Variants in ERICH6B observed in about 807,000 individuals in gnomAD.
ERICH6B encodes glutamate-rich protein 6B.
ERICH6B carries 69 observed loss-of-function variants against 80.0 expected under a neutral mutation model. The ratio of observed to expected loss-of-function variants is 0.86; its 90% CI spans 0.71 to 1.05. The LOEUF (loss-of-function observed/expected upper bound fraction) is 1.05. ERICH6B is among the 50% of genes least tolerant of loss of function. The probability of loss-of-function intolerance (pLI) is 0.00; values close to 1 mark genes in which losing one functional copy is unlikely to be tolerated. For missense variants in ERICH6B, 754 were observed against 796.1 expected, an observed-to-expected ratio of 0.95 and a Z score of 0.64; for synonymous variants, 283 against 291.9, an observed-to-expected ratio of 0.97 and a Z score of 0.31.
At position 45,596,715 on chromosome 13, in the gene ERICH6B, A is replaced by G. The variant is rs1241501621; in HGVS notation, c.291T>C (p.Tyr97=). ...GKEEHLEEEE[Y]LEKAGYLEEE... is the part of the protein sequence containing the mutation. ...CCTCCAGATACCCTGCCTTCTCCAG[A>G]TACTCTTCCTCCTCCAGATGCTCTT... The change falls in exon 3 of 15, where the codon TAT becomes TAC. Residue 97 remains tyrosine (Y), a synonymous_variant. Transcript: ENST00000298738. 2 of 1,551,500 alleles carry G rather than the reference A, an allele frequency of 1.3e-6. No homozygotes were observed. The highest frequency in any genetic ancestry group is 2.0e-5 in the Admixed American group (1 of 50,978).
chr13:45,603,981 C>T (rs1949842602), intron 2 of ERICH6B, among the ~76,000 whole-genome samples: 1 of 152,246 alleles, frequency 6.6e-6, no homozygotes, highest in African/African-American at 2.4e-5. Context: ...CTCCCTTTCC[C>T]ATTCCTTCCA....
At position 45,561,511 on chromosome 13, in the gene ERICH6B, T is replaced by C; in HGVS notation, c.1265A>G (p.Glu422Gly). ...TAAATGAAATGTGAAACTGGTCATC[T>C]CTGTTAACTTTTGAGCTGCCATTCA... ...KRRREAQKLTEMTSFTFHLMS... is the reference protein window; with the variant it reads ...KRRREAQKLTGMTSFTFHLMS... The change falls in exon 11 of 15, where the codon GAG (glutamate) becomes GGG (glycine). Residue 422 changes from glutamate (E) to glycine (G), a missense_variant. By Grantham distance (98) the Glu-to-Gly change is moderately conservative (BLOSUM62 -2). Coordinates refer to ENST00000298738, the MANE Select transcript of ERICH6B (RefSeq NM_182542.3). 6.4e-7 allele frequency: 1 copy of C among 1,551,676 alleles called. No homozygotes were observed. Among genetic ancestry groups the C allele is most frequent in the Non-Finnish European group, 8.7e-7 (1 of 1,146,984 alleles).
At chr13:45,599,573 CT>C (rs535641709) in intron 2 of ERICH6B, among the ~76,000 whole-genome samples, 326 of 152,236 alleles carry the variant, frequency 2.1e-3, no homozygotes, top group African/African-American at 7.3e-3. Context: ...CTTCAGGTTA[CT>C]TTTTTTGGTA....
chr13:45,596,506 T>C lies in ERICH6B; in HGVS notation c.500A>G (p.Glu167Gly). Residue 167 changes from glutamate to glycine, a missense_variant, in exon 3 of 15, where the codon GAG (glutamate) becomes GGG (glycine). By Grantham distance (98) the Glu-to-Gly change is moderately conservative. Coordinates refer to ENST00000298738, the MANE Select transcript of ERICH6B (RefSeq NM_182542.3). ...YLGKKAYLEE[E>G]EYLGKKSYLE... The stretch of plus-strand genomic sequence containing the variant: ...ATATGATTTCTTCCCCAGATACTCC[T>C]CCTCCTCCAGATACGCTTTCTTCCC... The C allele has an allele frequency of 6.4e-7, 1 of 1,551,676 alleles. No individual in the cohort carries two copies. Among genetic ancestry groups the C allele is most frequent in the Non-Finnish European group, 8.7e-7 (1 of 1,146,618 alleles).
chr13:45,584,716 C>T (rs1028564807), intron 5 of ERICH6B, among the ~76,000 whole-genome samples: 1 of 152,184 alleles, frequency 6.6e-6, no homozygotes, highest in Non-Finnish European at 1.5e-5. Context: ...TGCCTGGCTT[C>T]GTCTTTGCTG....
chr13:45,603,257 C>A (rs961748393), intron 2 of ERICH6B, among the ~76,000 whole-genome samples: 2 of 152,218 alleles, frequency 1.3e-5, no homozygotes, highest in Non-Finnish European at 2.9e-5. Flanking sequence ...TTACCTACTC[C>A]ACCAGTTCCA....
intron 3 of ERICH6B, among the ~76,000 whole-genome samples, chr13:45,592,925 C>T (rs922767959): frequency 6.6e-6 from 1 of 152,132 alleles, no homozygotes; most frequent in Admixed American, 6.5e-5. Flanking sequence ...GGTGTTTTTG[C>T]ACATGGGGAA....
intron 2 of ERICH6B, among the ~76,000 whole-genome samples, chr13:45,606,522 TATATATATATATATATA>T (rs1949863020): frequency 2.2e-4 from 7 of 32,160 alleles, no homozygotes; most frequent in Non-Finnish European, 3.7e-4. Context: ...TATATATATA[TATATATATATATATATA>T]TATATATATT....
intron 11 of ERICH6B, among the ~76,000 whole-genome samples, chr13:45,555,001 T>C (rs571935714): frequency 1.3e-5 from 2 of 152,202 alleles, no homozygotes; most frequent in East Asian, 3.9e-4. Flanking sequence ...GAATGGTAGG[T>C]GAGAGAGGAT....
chr13:45,561,605 G>T, intron 10 of ERICH6B, 79 bp from the exon 11 acceptor site: 1 of 1,470,030 alleles, frequency 6.8e-7, no homozygotes, highest in South Asian at 1.3e-5. Context: ...TCTCTCTCAA[G>T]GTGCCAAAGG....
intron 7 of ERICH6B, 73 bp from the exon 8 acceptor site, chr13:45,575,003 A>C: frequency 9.9e-7 from 1 of 1,008,262 alleles, no homozygotes; most frequent in Non-Finnish European, 1.5e-6. Flanking sequence ...AAATTTAAAA[A>C]GAATAGAAAT....
At chr13:45,580,057 T>TA in intron 6 of ERICH6B, 83 bp from the exon 7 acceptor site, 1 of 1,153,614 alleles carries the variant, frequency 8.7e-7, no homozygotes, top group East Asian at 2.6e-5. Flanking sequence ...GGAATCAATT[T>TA]AAAAATCATC....
intron 11 of ERICH6B, among the ~76,000 whole-genome samples, chr13:45,551,846 A>T (rs536660217): frequency 1.2e-3 from 182 of 152,222 alleles, no homozygotes; most frequent in African/African-American, 4.3e-3. Context: ...CCATGGGATG[A>T]TGAAACAAGA....
chr13:45,574,637 G>A (rs745375500), intron 8 of ERICH6B, among the ~76,000 whole-genome samples: 17 of 152,168 alleles, frequency 1.1e-4, no homozygotes, highest in Non-Finnish European at 2.1e-4. Context: ...AGAGGGAGTA[G>A]GCTTTCCTTG....
intron 8 of ERICH6B, among the ~76,000 whole-genome samples, chr13:45,570,537 G>A: frequency 6.6e-6 from 1 of 152,196 alleles, no homozygotes; most frequent in East Asian, 1.9e-4. Context: ...CAAATAGGAG[G>A]GCTTTAGCTT....
At chr13:45,576,833 A>T (rs1359601436) in intron 7 of ERICH6B, among the ~76,000 whole-genome samples, 1 of 152,230 alleles carries the variant, frequency 6.6e-6, no homozygotes, top group Non-Finnish European at 1.5e-5. Flanking sequence ...ATTCGAGTCA[A>T]TGTAATAATT....
chr13:45,554,549 G>A lies in ERICH6B; in HGVS notation c.1408-4233C>T, dbSNP rs573582638. Among the ~76,000 whole-genome samples, 22 of 152,318 alleles carry A rather than the reference G, an allele frequency of 1.4e-4. No homozygotes were observed. The South Asian group carries it at 4.6e-3, about 32-fold the overall frequency. On this transcript the variant is annotated intron_variant, in intron 11 of 14. Transcript: ENST00000298738. Reference sequence around the variant, plus strand: ...TGCTTTCTGTTCGTCGAATTCACTTGTCATGTAATGAAATTTTCCTGATGA... The same window carrying A: ...TGCTTTCTGTTCGTCGAATTCACTTATCATGTAATGAAATTTTCCTGATGA...
chr13:45,586,396 T>C (rs772813448), intron 5 of ERICH6B, among the ~76,000 whole-genome samples: 23 of 152,158 alleles, frequency 1.5e-4, no homozygotes, highest in South Asian at 4.2e-4. Context: ...CCACTAAAGC[T>C]GGATTTAAAT....
At chr13:45,567,844 C>G (rs932821532) in intron 9 of ERICH6B, among the ~76,000 whole-genome samples, 1 of 152,220 alleles carries the variant, frequency 6.6e-6, no homozygotes, top group Non-Finnish European at 1.5e-5. Flanking sequence ...GCTCAAGGCT[C>G]TCCCTCCTTC....
Sources: gnomAD v4.1 joint callset for allele counts (sites outside exome capture counted in the v4.1 genomes callset) on GRCh38, gnomAD v4.1.1 for gene constraint, MANE v1.5 for transcripts, NCBI Gene and HGNC (gene_info 2026-07-23, HGNC 2026-07-21) for gene names.